Variants in DIPK2B observed in about 807,000 individuals in gnomAD.
The protein encoded by DIPK2B is UPF0672 protein CXorf36.
DIPK2B carries 15 observed loss-of-function variants against 22.2 expected under a neutral mutation model. The ratio of observed to expected loss-of-function variants is 0.68; its 90% confidence interval spans 0.45 to 1.04. The LOEUF is 1.04. Ranked by LOEUF, DIPK2B falls within the 50% of genes least tolerant of loss-of-function variation. The pLI is 0.00. For synonymous variants in DIPK2B, 163 were observed against 153.2 expected, an observed-to-expected ratio of 1.06 and a Z score of -0.47; for missense variants, 345 against 348.3, an observed-to-expected ratio of 0.99 and a Z score of 0.08.
rs768232713 is a variant in DIPK2B, at chrX:45,154,008, T to C, written c.863A>G (p.Tyr288Cys). 1.7e-6 allele frequency: 2 copies of C among 1,210,818 alleles called. No individual in the cohort carries two copies. The highest frequency in any genetic ancestry group is 1.8e-5 in the South Asian group (1 of 56,943). Residue 288 changes from tyrosine (Y) to cysteine (C), a missense_variant, in exon 4 of 5, where the codon TAC (tyrosine) becomes TGC (cysteine). Physicochemically the swap from Tyr to Cys is radical, Grantham distance 194. Transcript: ENST00000398000. ...CATGCCTGCATCAATGTGGGTGAAG[T>C]AGAAGAAATAGTTCAAATCGTTGCT... is the stretch of plus-strand genomic sequence containing the variant. ...LRSNDLNYFF[Y>C]FTHIDAGMFG...
intron 1 of DIPK2B, among the ~76,000 whole-genome samples, chrX:45,192,760 G>A (rs2047219635): frequency 9.0e-6 from 1 of 111,630 alleles, no homozygotes; most frequent in African/African-American, 3.3e-5. Flanking sequence ...TAATCCTCCT[G>A]GGGGAGAGGC....
chrX:45,179,889 G>A (rs938358948), intron 2 of DIPK2B, among the ~76,000 whole-genome samples: 12 of 111,480 alleles, frequency 1.1e-4, no homozygotes, highest in African/African-American at 2.6e-4. Flanking sequence ...TAAAATTTAC[G>A]AAAAAAATTC....
intron 2 of DIPK2B, among the ~76,000 whole-genome samples, chrX:45,174,550 G>A (rs1169559891): frequency 1.8e-5 from 2 of 110,143 alleles, no homozygotes; most frequent in Non-Finnish European, 3.8e-5. Context: ...AGAAGAGGTG[G>A]TATGAGCATG....
At chrX:45,192,118 C>T (rs2047214941) in intron 1 of DIPK2B, 103 bp from the exon 2 acceptor site, 1 of 844,838 alleles carries the variant, frequency 1.2e-6, no homozygotes, top group Admixed American at 3.8e-5. Flanking sequence ...TCCATTTCTC[C>T]TACTTAGACT....
chrX:45,171,272 T>C (rs2047079502), intron 2 of DIPK2B, among the ~76,000 whole-genome samples: 1 of 111,016 alleles, frequency 9.0e-6, no homozygotes, highest in African/African-American at 3.3e-5. Flanking sequence ...ACTTTTGCCA[T>C]GAAGATTCAA....
intron 2 of DIPK2B, among the ~76,000 whole-genome samples, chrX:45,184,441 A>AATCT (rs1181733791): frequency 3.6e-5 from 4 of 112,037 alleles, no homozygotes; most frequent in African/African-American, 1.3e-4. Flanking sequence ...CAACCCCAAG[A>AATCT]ATCTATGACA....
chrX:45,167,528 A>G (rs1892206552), intron 2 of DIPK2B, among the ~76,000 whole-genome samples: 1 of 108,407 alleles, frequency 9.2e-6, no homozygotes, highest in South Asian at 4.0e-4. Flanking sequence ...AAGAGGAGAA[A>G]CATCTCACAA....
At chrX:45,154,554 T>C (rs1193236138) in intron 3 of DIPK2B, among the ~76,000 whole-genome samples, 1 of 110,642 alleles carries the variant, frequency 9.0e-6, no homozygotes, top group Non-Finnish European at 1.9e-5. Flanking sequence ...ATATTACTGA[T>C]GGGAAGATTC....
intron 2 of DIPK2B, among the ~76,000 whole-genome samples, chrX:45,184,894 G>T (rs1204337362): frequency 7.2e-5 from 8 of 111,353 alleles, no homozygotes; most frequent in Non-Finnish European, 1.5e-4. Context: ...TTGCTCTGTG[G>T]CTCAAAAGAT....
chrX:45,177,112 A>T (rs1264833325), intron 2 of DIPK2B, among the ~76,000 whole-genome samples: 2 of 109,779 alleles, frequency 1.8e-5, no homozygotes, highest in African/African-American at 6.6e-5. Context: ...AGCCTGGGCA[A>T]CATGGCAAGA....
intron 2 of DIPK2B, among the ~76,000 whole-genome samples, chrX:45,180,562 G>A (rs756037219): frequency 1.8e-5 from 2 of 111,948 alleles, no homozygotes; most frequent in Non-Finnish European, 1.9e-5. Context: ...ATTATTTGAA[G>A]ATGGAATGAT....
At chrX:45,189,748 G>A (rs1164794495) in intron 2 of DIPK2B, among the ~76,000 whole-genome samples, 1 of 111,906 alleles carries the variant, frequency 8.9e-6, no homozygotes, top group Non-Finnish European at 1.9e-5. Context: ...AAGGAGGTGA[G>A]GAGAGATAGA....
At chrX:45,159,824 G>T (rs775411716) in intron 2 of DIPK2B, among the ~76,000 whole-genome samples, 4 of 112,266 alleles carry the variant, frequency 3.6e-5, no homozygotes, top group African/African-American at 1.3e-4. Flanking sequence ...CAACTGCATT[G>T]ATATGAAGAC....
chrX:45,177,715 C>T (rs774872877), intron 2 of DIPK2B, among the ~76,000 whole-genome samples: 1 of 111,108 alleles, frequency 9.0e-6, no homozygotes, highest in South Asian at 3.8e-4. Context: ...CAGGGGTTTT[C>T]TGCTTGTTAA....
intron 2 of DIPK2B, among the ~76,000 whole-genome samples, chrX:45,171,893 T>A (rs1454084107): frequency 2.7e-5 from 3 of 112,542 alleles, no homozygotes; most frequent in Non-Finnish European, 5.6e-5. Context: ...CTAAGAGATC[T>A]TTAATAAGCA....
intron 2 of DIPK2B, chrX:45,164,390 A>G: frequency 1.6e-6 from 1 of 640,851 alleles, no homozygotes; most frequent in Admixed American, 3.8e-5. Context: ...CCCATGTTCC[A>G]GTTGGGAATA....
At position 45,153,898 on chromosome X, in the gene DIPK2B, C is replaced by T; in HGVS notation, c.961+12G>A. 2 of 1,204,117 alleles carry T rather than the reference C, an allele frequency of 1.7e-6. No homozygotes were observed. Among genetic ancestry groups the T allele is most frequent in the Non-Finnish European group, 2.2e-6 (2 of 890,497 alleles). ...CCTCTGACAGCTGCTCAGCCAGGCC[C>T]ATGCTGAGTACCTTCCTGCTTGTCG... On this transcript the variant is annotated intron_variant, in intron 4 of 4. Coordinates refer to ENST00000398000, the MANE Select transcript of DIPK2B (RefSeq NM_176819.4).
At chrX:45,161,190 A>G (rs1265881405) in intron 2 of DIPK2B, among the ~76,000 whole-genome samples, 1 of 112,376 alleles carries the variant, frequency 8.9e-6, no homozygotes, top group South Asian at 3.7e-4. Context: ...CCTGACAATC[A>G]TGGAGCCACT....
chrX:45,152,641 A>G (rs1298360151), intron 4 of DIPK2B, among the ~76,000 whole-genome samples: 3 of 111,903 alleles, frequency 2.7e-5, no homozygotes, highest in Non-Finnish European at 5.6e-5. Context: ...TTTAAAATGC[A>G]AAGTGAGGGC....
Sources: gnomAD v4.1 joint callset for allele counts (sites outside exome capture counted in the v4.1 genomes callset) on GRCh38, gnomAD v4.1.1 for gene constraint, MANE v1.5 for transcripts, NCBI Gene and HGNC (gene_info 2026-07-23, HGNC 2026-07-21) for gene names.